Variants in SLC7A10 observed in about 807,000 individuals in gnomAD.
The protein encoded by SLC7A10 is asc-type amino acid transporter 1.
In SLC7A10, 30 loss-of-function variants were observed where a neutral mutation model predicts 52.7. The observed-to-expected ratio is 0.57, with a 90% CI of 0.43 to 0.77. The LOEUF (loss-of-function observed/expected upper bound fraction) is 0.77. Among genes scored for constraint, SLC7A10 ranks in the 30% least tolerant of loss-of-function variants. The pLI is 0.00. For synonymous variants in SLC7A10, 318 were observed against 314.9 expected, an observed-to-expected ratio of 1.01 and a Z score of -0.10; for missense variants, 581 against 698.5, an observed-to-expected ratio of 0.83 and a Z score of 1.90.
In SLC7A10 at chr19:33,210,584, G is replaced by T; in HGVS notation, c.1146C>A (p.Gly382=). ...CATAGTTGATGAGCGTGTACGTGTC[G>T]CCCACGAGCATGATGACGGCTGTGG... ...CGATAVIMLV[G]DTYTLINYVS... is the part of the protein sequence containing the mutation. The change falls in exon 9 of 11, where the codon GGC becomes GGA. Residue 382 remains glycine (G), a synonymous_variant. Coordinates refer to ENST00000253188, the MANE Select transcript of SLC7A10 (RefSeq NM_019849.3). The surrounding 1 kb of genome is among the most constrained non-coding windows in gnomAD (Gnocchi z 5.6). 6.2e-7 allele frequency: 1 copy of T among 1,611,978 alleles called. No individual in the cohort carries two copies.
intron 2 of SLC7A10, 117 bp from the exon 3 acceptor site, chr19:33,213,119 GC>G: frequency 7.3e-7 from 1 of 1,369,526 alleles, no homozygotes; most frequent in Non-Finnish European, 1.0e-6. Context: ...TGGCGAGGCT[GC>G]CAGAGGCCAG....
In SLC7A10 at chr19:33,219,513, C is replaced by T. The variant is rs79871344; in HGVS notation, c.152-3540G>A. Among the ~76,000 whole-genome samples, 289 of 152,306 alleles carry T rather than the reference C, an allele frequency of 1.9e-3. 2 individuals carry two copies. In the South Asian group the frequency reaches 0.034, roughly 18 times the overall value. On this transcript the variant is annotated intron_variant, in intron 1 of 10. Coordinates refer to ENST00000253188, the MANE Select transcript of SLC7A10 (RefSeq NM_019849.3). ...GGCCTGTCAGGCCAGGACACTGGCA[C>T]CAGTCCTCATGCCTTGAAGCACATT... is the stretch of plus-strand genomic sequence containing the variant.
At chr19:33,221,885 G>C (rs544664543) in intron 1 of SLC7A10, among the ~76,000 whole-genome samples, 1 of 152,186 alleles carries the variant, frequency 6.6e-6, no homozygotes, top group Non-Finnish European at 1.5e-5. Flanking sequence ...TTGTGGATCC[G>C]GCAAGGGAGC....
Position 33,210,401 on chromosome 19 carries a change from CCCA to C in SLC7A10, c.1263+63_1263+65del. The stretch of plus-strand genomic sequence containing the variant: ...CCTCCCATCCCACCTGCCCCTGGTG[CCCA>C]CTGTGGATGCAGGGGTGGCTCTGGC... On this transcript the variant is annotated intron_variant, in intron 9 of 10. Transcript: ENST00000253188. This position sits in a 1 kb window ranked among gnomAD's most constrained non-coding sequence, Gnocchi z 5.6. 6.5e-7 allele frequency: 1 copy of C among 1,530,884 alleles called. No individual in the cohort carries two copies. Among genetic ancestry groups the C allele is most frequent in the Non-Finnish European group, 8.8e-7 (1 of 1,142,246 alleles). 94.8% of individuals were successfully genotyped at this position (1,530,884 alleles called of 1,614,324 possible).
chr19:33,222,167 G>A (rs960204867), intron 1 of SLC7A10, among the ~76,000 whole-genome samples: 1 of 152,104 alleles, frequency 6.6e-6, no homozygotes, highest in Non-Finnish European at 1.5e-5. Context: ...GGGAGGCTGA[G>A]GTGGGAGGAT....
rs143654746 is a variant in SLC7A10, at chr19:33,212,888, G to T, written c.471C>A (p.Pro157=). The change falls in exon 3 of 11, where the codon CCC becomes CCA. Residue 157 remains proline (P), a synonymous_variant. Coordinates refer to ENST00000253188, the MANE Select transcript of SLC7A10 (RefSeq NM_019849.3). The part of the protein sequence containing the change: ...LQPVFPNCIP[P]TTASRVLSMA... ...TGGACAGCACCCGGGAGGCTGTGGT[G>T]GGGGGGATGCAGTTGGGGAACACGG... 38 of 1,613,878 alleles carry T rather than the reference G, an allele frequency of 2.4e-5. No individual in the cohort carries two copies. The highest frequency in any genetic ancestry group is 4.4e-5 in the South Asian group (4 of 91,078).
intron 1 of SLC7A10, 150 bp downstream of exon 1, chr19:33,225,403 T>C: frequency 1.0e-6 from 1 of 975,714 alleles, no homozygotes; most frequent in Non-Finnish European, 1.5e-6. Flanking sequence ...GCCCCTGACC[T>C]CCCCGCGGTC....
chr19:33,218,668 T>TCTTC (rs1974742974), intron 1 of SLC7A10, among the ~76,000 whole-genome samples: 2 of 66,400 alleles, frequency 3.0e-5, no homozygotes, highest in Admixed American at 1.5e-4. Context: ...TGGATTTCTT[T>TCTTC]CTTTCTTTCT....
At position 33,210,518 on chromosome 19, in the gene SLC7A10, C is replaced by G; in HGVS notation, c.1212G>C (p.Leu404=). The change falls in exon 9 of 11, where the codon CTG becomes CTC. Residue 404 remains leucine (L), a synonymous_variant. Coordinates refer to ENST00000253188, the MANE Select transcript of SLC7A10 (RefSeq NM_019849.3). This position sits in a 1 kb window ranked among gnomAD's most constrained non-coding sequence, Gnocchi z 5.6. ...GCCTCCAGCGCAGCAGCAGCAGGCC[C>G]AGGATGGTGACGCCGTAGCAGAGGT... is the stretch of plus-strand genomic sequence containing the variant. The part of the protein sequence containing the change: ...INYLCYGVTI[L]GLLLLRWRRP... 6.2e-7 allele frequency: 1 copy of G among 1,610,146 alleles called. No individual in the cohort carries two copies. Among genetic ancestry groups the G allele is most frequent in the Non-Finnish European group, 8.5e-7 (1 of 1,179,836 alleles).
chr19:33,212,480 C>A lies in SLC7A10; in HGVS notation c.634+34G>T, dbSNP rs1370275305. ...CAGAAGTCGGGGGTCAGCACCATCT[C>A]CCCAGCCCGGCCCTTACCCCGACTC... On this transcript the variant is annotated intron_variant, in intron 4 of 10. Transcript: ENST00000253188. 3 of 1,613,964 alleles carry A rather than the reference C, an allele frequency of 1.9e-6. No individual in the cohort carries two copies. The South Asian group carries it at 3.3e-5, about 18-fold the overall frequency.
At chr19:33,213,817 T>G (rs1974611775) in intron 2 of SLC7A10, among the ~76,000 whole-genome samples, 1 of 152,204 alleles carries the variant, frequency 6.6e-6, no homozygotes, top group African/African-American at 2.4e-5. Flanking sequence ...ATGCCCCTTC[T>G]ACCTAAATCT....
intron 2 of SLC7A10, among the ~76,000 whole-genome samples, chr19:33,213,818 A>T (rs1191077322): frequency 6.6e-6 from 1 of 152,132 alleles, no homozygotes; most frequent in Non-Finnish European, 1.5e-5. Flanking sequence ...TGCCCCTTCT[A>T]CCTAAATCTT....
Position 33,210,660 on chromosome 19 carries a change from C to T in SLC7A10, c.1114-44G>A. The T allele has an allele frequency of 6.2e-7, 1 of 1,609,982 alleles. No individual in the cohort carries two copies. Among genetic ancestry groups the T allele is most frequent in the Non-Finnish European group, 8.5e-7 (1 of 1,179,820 alleles). ...CTGACGGCTGGCCCCTAGCCTGCCT[C>T]CTGACGCCCCTGCAGGATGAGCCCT... On this transcript the variant is annotated intron_variant, in intron 8 of 10. Transcript: ENST00000253188. The surrounding 1 kb of genome is among the most constrained non-coding windows in gnomAD (Gnocchi z 5.6).
chr19:33,216,893 T>C (rs551741400), intron 1 of SLC7A10, among the ~76,000 whole-genome samples: 65 of 151,352 alleles, frequency 4.3e-4, no homozygotes, highest in African/African-American at 1.6e-3. Context: ...TTCTTTCATT[T>C]AGACAGGGTC....
rs932565896 is a variant in SLC7A10, at chr19:33,209,400, C to T, written c.1349G>A (p.Gly450Glu). 6.2e-7 allele frequency: 1 copy of T among 1,613,974 alleles called. No individual in the cohort carries two copies. The highest frequency in any genetic ancestry group is 8.5e-7 in the Non-Finnish European group (1 of 1,180,022). ...FSFISEPMVC[G>E]VGVIIILTGV... is the part of the protein sequence containing the mutation. Reference sequence around the variant, plus strand: ...CGTAAGGATGATGATGACGCCGACCCCACAGACCATAGGCTCTGAGATGAA... The same window carrying T: ...CGTAAGGATGATGATGACGCCGACCTCACAGACCATAGGCTCTGAGATGAA... The change falls in exon 10 of 11, where the codon GGG becomes GAG. Residue 450 changes from glycine (G) to glutamate (E), a missense_variant. Transcript: ENST00000253188.
rs1278703970 is a variant in SLC7A10 at position 33,210,702 on chromosome 19, C to T, written c.1114-86G>A. 9.5e-5 allele frequency: 152 copies of T among 1,608,424 alleles called. 2 individuals are homozygous for T. In the South Asian group the frequency reaches 1.5e-3, roughly 16 times the overall value. ...ATGAGCCCTGGCCCCACCCCCAACC[C>T]CCACCCTGGAATGGCTCACCCCTGC... On this transcript the variant is annotated intron_variant, in intron 8 of 10. Coordinates refer to ENST00000253188, the MANE Select transcript of SLC7A10 (RefSeq NM_019849.3). This position sits in a 1 kb window ranked among gnomAD's most constrained non-coding sequence, Gnocchi z 5.6.
intron 1 of SLC7A10, among the ~76,000 whole-genome samples, chr19:33,223,084 G>A (rs1974847175): frequency 1.3e-5 from 2 of 152,170 alleles, no homozygotes; most frequent in Admixed American, 1.3e-4. Flanking sequence ...AAGGCAGGCA[G>A]ATCACTTGAG....
rs536683814 is a variant in SLC7A10 at position 33,215,232 on chromosome 19, C to T, written c.356+537G>A. Among the ~76,000 whole-genome samples the T allele has an allele frequency of 8.1e-5, 12 of 148,254 alleles. No individual in the cohort carries two copies. In the South Asian group the frequency reaches 2.1e-3, roughly 26 times the overall value. On this transcript the variant is annotated intron_variant, in intron 2 of 10. Coordinates refer to ENST00000253188, the MANE Select transcript of SLC7A10 (RefSeq NM_019849.3). ...GCAGTGAGCTGAGATCACGCCATTG[C>T]ACTCCAGCCTGGGCAACAGAGCGAG...
chr19:33,211,661 A>G (rs878883036), intron 5 of SLC7A10, 124 bp from the exon 6 acceptor site: 1 of 1,544,594 alleles, frequency 6.5e-7, no homozygotes, highest in Non-Finnish European at 8.7e-7. Context: ...GGGGCAGGAA[A>G]GGGGGCAGCA....
Sources: gnomAD v4.1 joint callset for allele counts (sites outside exome capture counted in the v4.1 genomes callset) on GRCh38, gnomAD v4.1.1 for gene constraint, Gnocchi (gnomAD v3.1) non-coding constraint, MANE v1.5 for transcripts, NCBI Gene and HGNC (gene_info 2026-07-23, HGNC 2026-07-21) for gene names.